ARB2A: variants seen among roughly 807,000 people sequenced by gnomAD.
ARB2A encodes the protein ARB2 cotranscriptional regulator A.
At chr5:93,908,667 T>C in the ARB2A span, among the ~76,000 whole-genome samples, 2 of 151,002 alleles carry the variant, frequency 1.3e-5, no homozygotes, top group African/African-American at 2.4e-5. Flanking sequence ...TAGAATGTAA[T>C]GATAAAGTTT....
the ARB2A span, among the ~76,000 whole-genome samples, chr5:93,821,273 G>A: frequency 6.6e-6 from 1 of 151,954 alleles, no homozygotes; most frequent in Non-Finnish European, 1.5e-5. Context: ...ATTCAAACAC[G>A]ACGCTACAAA....
chr5:93,822,762 A>C, the ARB2A span, among the ~76,000 whole-genome samples: 1 of 152,070 alleles, frequency 6.6e-6, no homozygotes, highest in South Asian at 2.1e-4. Context: ...TATCTATTAT[A>C]TATATCAAAA....
chr5:93,620,887 AAAC>A, the ARB2A span: 1 of 1,499,626 alleles, frequency 6.7e-7, no homozygotes, highest in Non-Finnish European at 8.9e-7. Context: ...TCTGGGAAGA[AAAC>A]AATCTAATGA....
At chr5:93,859,520 T>C in the ARB2A span, among the ~76,000 whole-genome samples, 2 of 152,168 alleles carry the variant, frequency 1.3e-5, no homozygotes, top group African/African-American at 2.4e-5. Context: ...TATTTTCCTA[T>C]ACTAAAATTA....
At chr5:94,012,242 C>T in the ARB2A span, among the ~76,000 whole-genome samples, 368 of 152,108 alleles carry the variant, frequency 2.4e-3, 2 homozygotes, top group African/African-American at 8.3e-3. Flanking sequence ...CTCTACTAAA[C>T]ATACAAAAAA....
the ARB2A span, among the ~76,000 whole-genome samples, chr5:93,923,273 T>C: frequency 6.6e-6 from 1 of 152,234 alleles, no homozygotes; most frequent in African/African-American, 2.4e-5. Context: ...ATCAACTGTT[T>C]ACGTTATCAG....
chr5:93,993,339 T>C, the ARB2A span, among the ~76,000 whole-genome samples: 1 of 152,114 alleles, frequency 6.6e-6, no homozygotes, highest in Non-Finnish European at 1.5e-5. Flanking sequence ...GTTCTAACTA[T>C]ATGCAATCCC....
chr5:93,799,458 T>G, the ARB2A span, among the ~76,000 whole-genome samples: 1 of 152,128 alleles, frequency 6.6e-6, no homozygotes, highest in Non-Finnish European at 1.5e-5. Flanking sequence ...TAACACTGCT[T>G]CTCTGGCTTG....
chr5:94,103,907 CTT>C, the ARB2A span, among the ~76,000 whole-genome samples: 1 of 151,160 alleles, frequency 6.6e-6, no homozygotes, highest in Admixed American at 6.6e-5. Context: ...TCCTGAATGA[CTT>C]TGGGTAAACA....
the ARB2A span, among the ~76,000 whole-genome samples, chr5:94,069,500 T>C: frequency 6.6e-6 from 1 of 152,208 alleles, no homozygotes. Flanking sequence ...AGAGACAAAC[T>C]ATTGCATGGG....
the ARB2A span, among the ~76,000 whole-genome samples, chr5:93,767,453 G>A: frequency 6.6e-6 from 1 of 152,244 alleles, no homozygotes; most frequent in Admixed American, 6.5e-5. Flanking sequence ...AGCCACTATG[G>A]AAAACAATGT....
At chr5:93,672,223 G>A in the ARB2A span, among the ~76,000 whole-genome samples, 1 of 152,062 alleles carries the variant, frequency 6.6e-6, no homozygotes, top group East Asian at 1.9e-4. Flanking sequence ...AAATGATGGG[G>A]ACTGAGAATA....
the ARB2A span, among the ~76,000 whole-genome samples, chr5:93,646,992 C>T: frequency 6.6e-6 from 1 of 152,162 alleles, no homozygotes; most frequent in Non-Finnish European, 1.5e-5. Context: ...TATATACACA[C>T]ATACTATTAT....
the ARB2A span, among the ~76,000 whole-genome samples, chr5:93,803,071 A>C: frequency 6.6e-6 from 1 of 152,070 alleles, no homozygotes; most frequent in Non-Finnish European, 1.5e-5. Context: ...ATGGAAATGG[A>C]GTATTATACC....
the ARB2A span, chr5:93,804,753 ATC>A: frequency 1.7e-5 from 6 of 360,920 alleles, no homozygotes; most frequent in Non-Finnish European, 2.3e-5. Flanking sequence ...TTTTTAATAT[ATC>A]TGTTTTATTC....
At chr5:94,105,414 G>C in the ARB2A span, among the ~76,000 whole-genome samples, 1 of 151,970 alleles carries the variant, frequency 6.6e-6, no homozygotes, top group Non-Finnish European at 1.5e-5. Flanking sequence ...AAATACCTAG[G>C]CATACAGCTC....
At chr5:93,786,942 A>G in the ARB2A span, among the ~76,000 whole-genome samples, 1 of 152,334 alleles carries the variant, frequency 6.6e-6, no homozygotes, top group East Asian at 1.9e-4. Flanking sequence ...AATATGGTCT[A>G]TAACAGAAGA....
At chr5:94,003,537 T>C in the ARB2A span, among the ~76,000 whole-genome samples, 4 of 152,114 alleles carry the variant, frequency 2.6e-5, no homozygotes, top group Non-Finnish European at 4.4e-5. Context: ...ATAAACTTAT[T>C]ATAAGAAACA....
At chr5:93,925,652 T>C in the ARB2A span, among the ~76,000 whole-genome samples, 265 of 152,284 alleles carry the variant, frequency 1.7e-3, 6 homozygotes, top group Middle Eastern at 6.8e-3. Context: ...ATTTTTGGAC[T>C]ATGGTCGATG....
Sources: allele counts gnomAD v4.1 joint callset (sites outside exome capture counted in the v4.1 genomes callset), GRCh38; gene constraint gnomAD v4.1.1; transcripts MANE v1.5; gene names NCBI Gene and HGNC (gene_info 2026-07-23, HGNC 2026-07-21).